The following TAFA5 variants were observed in gnomAD, a reference collection of about 807,000 sequenced individuals.
TAFA5 encodes TAFA chemokine like family member 5.
Under a neutral mutation model 15.3 loss-of-function variants are expected in TAFA5, and 6 were observed. The ratio of observed to expected loss-of-function variants is 0.39; its 90% CI spans 0.21 to 0.77. The LOEUF is 0.77. TAFA5 is among the 30% of genes least tolerant of loss of function. The pLI, the probability that TAFA5 is intolerant of heterozygous loss-of-function variation, is 0.41. For missense variants in TAFA5, 161 were observed against 193.1 expected (o/e 0.83, Z 0.98); for synonymous variants, 103 against 80.7 (o/e 1.28, Z -1.48).
chr22:48,632,658 C>T (rs780913475), intron 1 of TAFA5, among the ~76,000 whole-genome samples: 3 of 152,200 alleles, frequency 2.0e-5, no homozygotes, highest in Non-Finnish European at 4.4e-5. Flanking sequence ...GGAGGCCGTT[C>T]TCTGTGTTGG....
chr22:48,525,715 C>T (rs564594016), intron 1 of TAFA5, among the ~76,000 whole-genome samples: 13 of 152,330 alleles, frequency 8.5e-5, no homozygotes, highest in Admixed American at 7.2e-4. Flanking sequence ...CCTGGTACCC[C>T]GCCTAAAGAA....
At chr22:48,581,393 C>G (rs1924033480) in intron 1 of TAFA5, among the ~76,000 whole-genome samples, 1 of 152,220 alleles carries the variant, frequency 6.6e-6, no homozygotes, top group Admixed American at 6.5e-5. Flanking sequence ...GCTGATCTTG[C>G]CGCCGGCATC....
chr22:48,493,615 A>C (rs1410579423), intron 1 of TAFA5, among the ~76,000 whole-genome samples: 1 of 152,198 alleles, frequency 6.6e-6, no homozygotes, highest in African/African-American at 2.4e-5. Flanking sequence ...TTTTTGAAAA[A>C]ATTCTCACTG....
At chr22:48,542,564 GGTGTGTGTGGTGT>G in intron 1 of TAFA5, among the ~76,000 whole-genome samples, 1 of 91,404 alleles carries the variant, frequency 1.1e-5, no homozygotes, top group East Asian at 3.4e-4. Flanking sequence ...ATGTGTGTGT[GGTGTGTGTGGTGT>G]GTGTGCGGGT....
intron 1 of TAFA5, among the ~76,000 whole-genome samples, chr22:48,515,661 C>T (rs1189014273): frequency 1.3e-5 from 2 of 152,338 alleles, no homozygotes; most frequent in East Asian, 3.9e-4. Context: ...GGCCTCATTG[C>T]ACCCGGCCCT....
At chr22:48,714,773 G>A (rs1929353425) in intron 3 of TAFA5, among the ~76,000 whole-genome samples, 1 of 152,200 alleles carries the variant, frequency 6.6e-6, no homozygotes, top group Non-Finnish European at 1.5e-5. Flanking sequence ...GCTGAAAATG[G>A]CAGAAACATA....
intron 1 of TAFA5, among the ~76,000 whole-genome samples, chr22:48,546,159 C>G (rs1569020807): frequency 6.6e-6 from 1 of 152,224 alleles, no homozygotes; most frequent in East Asian, 1.9e-4. Context: ...TCCCCTTCAG[C>G]CCGGAAGAAG....
intron 3 of TAFA5, among the ~76,000 whole-genome samples, chr22:48,743,110 C>T (rs75053024): frequency 0.045 from 6,885 of 152,308 alleles, 216 homozygotes; most frequent in African/African-American, 0.079. Context: ...CCATGAAACC[C>T]GTTCTCACTG....
intron 1 of TAFA5, among the ~76,000 whole-genome samples, chr22:48,580,920 C>T (rs995966892): frequency 7.3e-5 from 11 of 150,768 alleles, no homozygotes; most frequent in African/African-American, 2.7e-4. Context: ...TGCAGGCAGA[C>T]AGAGCGCAGG....
chr22:48,696,759 G>A (rs1025848967), intron 2 of TAFA5, among the ~76,000 whole-genome samples: 6 of 152,230 alleles, frequency 3.9e-5, no homozygotes, highest in African/African-American at 7.2e-5. Context: ...TGAGGTTTGC[G>A]CCTGCAGAGC....
At chr22:48,622,873 TGGACAGGG>T (rs771835910) in intron 1 of TAFA5, among the ~76,000 whole-genome samples, 141 of 152,308 alleles carry the variant, frequency 9.3e-4, no homozygotes, top group Non-Finnish European at 1.4e-3. Context: ...CTCGGCTGTG[TGGACAGGG>T]CCACCTTCCC....
At chr22:48,679,268 A>G (rs370153754) in intron 2 of TAFA5, among the ~76,000 whole-genome samples, 1,163 of 14,316 alleles carry the variant, frequency 0.081, 147 homozygotes, top group Admixed American at 0.24. Context: ...CCGGCTCCCC[A>G]TCCATCCCTC....
intron 2 of TAFA5, among the ~76,000 whole-genome samples, chr22:48,696,354 C>T (rs963102936): frequency 1.3e-5 from 2 of 152,182 alleles, no homozygotes; most frequent in East Asian, 1.9e-4. Context: ...TCTTTTCTCA[C>T]TCCTTCCTTC....
At chr22:48,578,879 G>T (rs890968134) in intron 1 of TAFA5, among the ~76,000 whole-genome samples, 2 of 152,200 alleles carry the variant, frequency 1.3e-5, no homozygotes, top group African/African-American at 2.4e-5. Flanking sequence ...GGCCGACTCT[G>T]GTTCCTGGCT....
intron 2 of TAFA5, among the ~76,000 whole-genome samples, chr22:48,648,369 A>G (rs1926938826): frequency 6.6e-6 from 1 of 152,158 alleles, no homozygotes; most frequent in Non-Finnish European, 1.5e-5. Context: ...GCCTCTGCCC[A>G]GGAGCCTGAC....
At chr22:48,503,819 C>T (rs965753085) in intron 1 of TAFA5, among the ~76,000 whole-genome samples, 1 of 152,296 alleles carries the variant, frequency 6.6e-6, no homozygotes, top group East Asian at 1.9e-4. Context: ...GACACTCGCA[C>T]CCCCATCAGC....
At chr22:48,585,605 CACA>C (rs1362798392) in intron 1 of TAFA5, among the ~76,000 whole-genome samples, 15 of 151,388 alleles carry the variant, frequency 9.9e-5, no homozygotes, top group Non-Finnish European at 2.1e-4. Flanking sequence ...AGATACCACA[CACA>C]ACAAAATACA....
At chr22:48,557,434 G>A (rs1923079597) in intron 1 of TAFA5, among the ~76,000 whole-genome samples, 1 of 152,170 alleles carries the variant, frequency 6.6e-6, no homozygotes, top group African/African-American at 2.4e-5. Context: ...GGGCTGCGAG[G>A]ACATGAGTTT....
intron 3 of TAFA5, among the ~76,000 whole-genome samples, chr22:48,714,810 G>T (rs1050618424): frequency 6.6e-6 from 1 of 152,236 alleles, no homozygotes; most frequent in African/African-American, 2.4e-5. Context: ...AAGGCCAGGA[G>T]GTCCAAGATC....
Sources: gnomAD v4.1 joint callset for allele counts (sites outside exome capture counted in the v4.1 genomes callset) on GRCh38, gnomAD v4.1.1 for gene constraint, MANE v1.5 for transcripts, NCBI Gene and HGNC (gene_info 2026-07-23, HGNC 2026-07-21) for gene names.